CKAP5: variants seen among roughly 807,000 people sequenced by gnomAD.
CKAP5 encodes the protein cytoskeleton-associated protein 5.
CKAP5 carries 27 observed loss-of-function variants against 232.8 expected under a neutral mutation model. The ratio of observed to expected loss-of-function variants is 0.12; its 90% CI spans 0.09 to 0.16. The LOEUF is 0.16. Ranked by LOEUF, CKAP5 falls within the 10% of genes least tolerant of loss-of-function variation. CKAP5 has a pLI of 1.00. For synonymous variants in CKAP5, 785 were observed against 841.1 expected (o/e 0.93, Z 1.16); for missense variants, 1,838 against 2,424.7 (o/e 0.76, Z 5.08).
chr11:46,797,081 T>G, intron 11 of CKAP5, 141 bp from the exon 12 acceptor site: 2 of 923,336 alleles, frequency 2.2e-6, no homozygotes, highest in Non-Finnish European at 3.2e-6. Flanking sequence ...CTTGTGCCAA[T>G]TGACAGTTAC....
chr11:46,750,632 G>C lies in CKAP5; in HGVS notation c.5461-21C>G, dbSNP rs767237120. On this transcript the variant is annotated intron_variant, in intron 40 of 43. Transcript: ENST00000529230. ...TCATCCTGAAAAGTTGAAAGACATA[G>C]GAAGAATTGGTTAGACTTGAGTTAT... The C allele has an allele frequency of 1.6e-5, 25 of 1,584,358 alleles. No homozygotes were observed. In the South Asian group the frequency reaches 2.5e-4, roughly 16 times the overall value.
chr11:46,842,966 CAAAAAAAAAAA>C (rs60343444), intron 1 of CKAP5, among the ~76,000 whole-genome samples: 14 of 39,430 alleles, frequency 3.6e-4, no homozygotes, highest in South Asian at 1.1e-3. Flanking sequence ...GACTCCGTCT[CAAAAAAAAAAA>C]AAAAAAAAAA....
At chr11:46,818,584 GA>G in intron 2 of CKAP5, 81 bp from the exon 3 acceptor site, 1 of 1,036,426 alleles carries the variant, frequency 9.6e-7, no homozygotes, top group East Asian at 2.7e-5. Flanking sequence ...GGGAGGGTGT[GA>G]GAATAGAAAT....
rs559744336 is a variant in CKAP5, at chr11:46,750,168, T to G, written c.5704+106A>C. On this transcript the variant is annotated intron_variant, in intron 42 of 43. Coordinates refer to ENST00000529230, the MANE Select transcript of CKAP5 (RefSeq NM_001008938.4). ...AATGGGAAGGCCATTTGGTGACCAT[T>G]AAGTATTGAGGTTCATGGATATGAA... The G allele has an allele frequency of 3.6e-6, 4 of 1,113,516 alleles. No homozygotes were observed. The South Asian group carries it at 4.6e-5, about 13-fold the overall frequency. The allele number at this position is 1,113,516 out of a possible 1,614,324, so 69.0% of individuals were successfully genotyped here.
At chr11:46,752,193 T>TATATATATATATATATACAC (rs1408030107) in intron 38 of CKAP5, among the ~76,000 whole-genome samples, 3 of 66,566 alleles carry the variant, frequency 4.5e-5, no homozygotes, top group African/African-American at 1.5e-4. Flanking sequence ...TATATATATA[T>TATATATATATATATATACAC]ACACACACAC....
intron 3 of CKAP5, 116 bp downstream of exon 3, chr11:46,818,194 T>C: frequency 4.2e-6 from 3 of 719,924 alleles, no homozygotes; most frequent in South Asian, 6.8e-5. Context: ...ACTACGAAAG[T>C]AAGAAAATTC....
At chr11:46,808,005 C>T in intron 8 of CKAP5, 26 bp downstream of exon 8, 1 of 1,511,632 alleles carries the variant, frequency 6.6e-7, no homozygotes, top group Non-Finnish European at 9.2e-7. Context: ...TGTTACAATA[C>T]CAGTACTGCA....
At chr11:46,769,167 C>T (rs1309779071) in intron 26 of CKAP5, among the ~76,000 whole-genome samples, 2 of 152,140 alleles carry the variant, frequency 1.3e-5, no homozygotes, top group Non-Finnish European at 2.9e-5. Flanking sequence ...GATCCACTGG[C>T]CTTGGCCTCC....
At chr11:46,790,418 G>T in intron 14 of CKAP5, 52 bp downstream of exon 14, 2 of 1,267,890 alleles carry the variant, frequency 1.6e-6, no homozygotes, top group Non-Finnish European at 2.3e-6. Context: ...TCTTCTCATT[G>T]GTCTCACTTT....
intron 2 of CKAP5, among the ~76,000 whole-genome samples, chr11:46,819,191 A>T (rs2134688098): frequency 6.6e-6 from 1 of 152,324 alleles, no homozygotes; most frequent in Non-Finnish European, 1.5e-5. Flanking sequence ...TTTCCTGAGA[A>T]ATGGTAATTG....
chr11:46,839,060 T>G (rs1440911029), intron 1 of CKAP5, among the ~76,000 whole-genome samples: 2 of 152,160 alleles, frequency 1.3e-5, no homozygotes, highest in African/African-American at 4.8e-5. Context: ...TATGTTCTGC[T>G]TTCATTTTTA....
chr11:46,744,453 T>C lies in CKAP5; in HGVS notation c.5829A>G (p.Arg1943=), dbSNP rs750925374. ...SVYLERLKIL[R]QRCGLDNTKQ... is the part of the protein sequence containing the mutation. ...TTGTGTTGTCCAGACCACATCGCTGTCGGAGGATCTTTAGCCTTTCCAAGT... is the reference window on the plus strand; with the variant it reads ...TTGTGTTGTCCAGACCACATCGCTGCCGGAGGATCTTTAGCCTTTCCAAGT... The change falls in exon 43 of 44, where the codon CGA becomes CGG. Residue 1943 remains arginine, a synonymous_variant. Coordinates refer to ENST00000529230, the MANE Select transcript of CKAP5 (RefSeq NM_001008938.4). The C allele has an allele frequency of 6.2e-7, 1 of 1,614,134 alleles. No individual in the cohort carries two copies. Among genetic ancestry groups the C allele is most frequent in the South Asian group, 1.1e-5 (1 of 91,078 alleles).
chr11:46,784,484 T>C lies in CKAP5; in HGVS notation c.2154+4A>G, dbSNP rs750397197. On this transcript the variant is annotated splice_donor_region_variant and intron_variant, in intron 17 of 43. Coordinates refer to ENST00000529230, the MANE Select transcript of CKAP5 (RefSeq NM_001008938.4). ...TAGAGGAATAAGACTTCTGTGTCAC[T>C]AACCTGTTCAGCAGTCCATGGTAAC... The C allele has an allele frequency of 4.2e-5, 68 of 1,608,818 alleles. No individual in the cohort carries two copies. Among genetic ancestry groups the C allele is most frequent in the South Asian group, 6.7e-5 (6 of 89,966 alleles).
chr11:46,825,753 TAA>T (rs201623764), intron 1 of CKAP5, among the ~76,000 whole-genome samples: 7 of 132,766 alleles, frequency 5.3e-5, no homozygotes, highest in African/African-American at 8.3e-5. Context: ...GATAGGCTCA[TAA>T]AAAAAAAAAA....
intron 1 of CKAP5, among the ~76,000 whole-genome samples, chr11:46,842,754 T>C (rs1592496344): frequency 6.9e-6 from 1 of 145,744 alleles, no homozygotes; most frequent in East Asian, 2.1e-4. Context: ...GATCACGAGG[T>C]CAGGAGATCG....
intron 23 of CKAP5, 32 bp from the exon 24 acceptor site, chr11:46,776,415 A>G: frequency 1.3e-6 from 2 of 1,592,922 alleles, no homozygotes; most frequent in Non-Finnish European, 1.7e-6. Flanking sequence ...CAAAAATAAT[A>G]TCTACTACAG....
chr11:46,809,314 C>G (rs1156811229), intron 7 of CKAP5, 86 bp downstream of exon 7: 1 of 862,488 alleles, frequency 1.2e-6, no homozygotes, highest in Non-Finnish European at 1.8e-6. Context: ...GGGGGTGCAT[C>G]AGGCAAGGGC....
At chr11:46,814,574 T>C (rs1267176333) in intron 4 of CKAP5, among the ~76,000 whole-genome samples, 2 of 152,314 alleles carry the variant, frequency 1.3e-5, no homozygotes, top group East Asian at 3.9e-4. Context: ...TACAGCTGCT[T>C]TCTAAAATAT....
rs1204776906 is a variant in CKAP5, at chr11:46,765,220, A to G, written c.3448T>C (p.Leu1150=). ...QGKKMPSKTS[L]KEDEDKSGPI... ...CCGGATTTGTCTTCATCCTCCTTTA[A>G]GCTGGTTTTGCTTGGCATCTTCTTC... is the stretch of plus-strand genomic sequence containing the variant. The change falls in exon 28 of 44, where the codon TTA becomes CTA. Residue 1150 remains leucine (L), a synonymous_variant. Coordinates refer to ENST00000529230, the MANE Select transcript of CKAP5 (RefSeq NM_001008938.4). 1.2e-6 allele frequency: 2 copies of G among 1,612,952 alleles called. No homozygotes were observed. Among genetic ancestry groups the G allele is most frequent in the Non-Finnish European group, 1.7e-6 (2 of 1,179,600 alleles).
Sources: gnomAD v4.1 joint callset for allele counts (sites outside exome capture counted in the v4.1 genomes callset) on GRCh38, gnomAD v4.1.1 for gene constraint, MANE v1.5 for transcripts, NCBI Gene and HGNC (gene_info 2026-07-23, HGNC 2026-07-21) for gene names.